NTN4: variants seen among roughly 807,000 people sequenced by gnomAD.
The protein encoded by NTN4 is netrin 4, also known as netrin-4.
In NTN4, 32 loss-of-function variants were observed where a neutral mutation model predicts 73.6. That is an observed-to-expected ratio of 0.44 (90% CI 0.33 to 0.58). The LOEUF (loss-of-function observed/expected upper bound fraction) is 0.58, where lower values mean the gene tolerates loss of function less well. Among genes scored for constraint, NTN4 ranks in the 20% least tolerant of loss-of-function variants. The probability of loss-of-function intolerance (pLI) is 0.04; values close to 1 mark genes in which losing one functional copy is unlikely to be tolerated. For synonymous variants in NTN4, 258 were observed against 287.5 expected, an observed-to-expected ratio of 0.90 and a Z score of 1.04; for missense variants, 654 against 798.3, an observed-to-expected ratio of 0.82 and a Z score of 2.18.
At chr12:95,708,638 G>A (rs940890568) in intron 5 of NTN4, among the ~76,000 whole-genome samples, 1 of 151,918 alleles carries the variant, frequency 6.6e-6, no homozygotes, top group Non-Finnish European at 1.5e-5. Context: ...CAAACTCCTC[G>A]GCTCAAGTGA....
At chr12:95,666,619 A>AT (rs2078182704) in intron 8 of NTN4, among the ~76,000 whole-genome samples, 1 of 152,220 alleles carries the variant, frequency 6.6e-6, no homozygotes, top group South Asian at 2.1e-4. Context: ...CAGCTACCAC[A>AT]TCTAAACAGA....
intron 2 of NTN4, among the ~76,000 whole-genome samples, chr12:95,761,465 G>C (rs932792814): frequency 3.3e-5 from 5 of 151,698 alleles, no homozygotes; most frequent in Non-Finnish European, 7.4e-5. Context: ...AGAGTAGCTG[G>C]GGTTACAGGC....
At chr12:95,665,039 A>C (rs1018133363) in intron 9 of NTN4, among the ~76,000 whole-genome samples, 3 of 152,120 alleles carry the variant, frequency 2.0e-5, no homozygotes, top group African/African-American at 7.2e-5. Flanking sequence ...GTATTATGTT[A>C]CCATTATCTG....
intron 2 of NTN4, among the ~76,000 whole-genome samples, chr12:95,750,132 C>CTCTGCGCCCCAATCCCTTATT (rs1208297758): frequency 1.9e-4 from 29 of 151,812 alleles, no homozygotes; most frequent in South Asian, 4.2e-4. Context: ...TACCTCTTAT[C>CTCTGCGCCCCAATCCCTTATT]TCTGCGCCCC....
chr12:95,687,913 T>C (rs530247208), intron 5 of NTN4, among the ~76,000 whole-genome samples: 14 of 151,982 alleles, frequency 9.2e-5, no homozygotes, highest in South Asian at 4.2e-4. Flanking sequence ...AAAGAGCCCA[T>C]GTGGGGAATG....
intron 3 of NTN4, among the ~76,000 whole-genome samples, chr12:95,722,480 C>T (rs1592685468): frequency 6.6e-6 from 1 of 151,866 alleles, no homozygotes; most frequent in Non-Finnish European, 1.5e-5. Flanking sequence ...ACAAAAATTA[C>T]CCGGGTGTGC....
chr12:95,750,334 C>T (rs1186763232), intron 2 of NTN4, among the ~76,000 whole-genome samples: 1 of 152,088 alleles, frequency 6.6e-6, no homozygotes, highest in Non-Finnish European at 1.5e-5. Flanking sequence ...AGGCTTGCTT[C>T]CTTCACTATG....
chr12:95,769,022 CA>C (rs2079038360), intron 2 of NTN4, among the ~76,000 whole-genome samples: 1 of 152,004 alleles, frequency 6.6e-6, no homozygotes, highest in Non-Finnish European at 1.5e-5. Flanking sequence ...TGAGAGTCAG[CA>C]GGGGGTTTGC....
At chr12:95,770,992 G>GTTTTGTTTTTCTTTTTT (rs1555221586) in intron 2 of NTN4, among the ~76,000 whole-genome samples, 10 of 70,796 alleles carry the variant, frequency 1.4e-4, no homozygotes, top group South Asian at 8.2e-4. Context: ...AAAAGAATTT[G>GTTTTGTTTTTCTTTTTT]TTTTTTTTTT....
At chr12:95,790,891 C>T (rs1414418581), upstream of NTN4, 2 of 147,536 alleles carry the variant, frequency 1.4e-5, no homozygotes, top group Non-Finnish European at 3.0e-5. This position sits in a 1 kb window ranked among gnomAD's most constrained non-coding sequence, Gnocchi z 6.5. Context: ...CCGGGCGGCG[C>T]AGCCCGCGGG....
chr12:95,682,904 C>T, intron 6 of NTN4, 82 bp from the exon 7 acceptor site: 1 of 730,858 alleles, frequency 1.4e-6, no homozygotes, highest in Non-Finnish European at 2.3e-6. Flanking sequence ...AGATTTAAAC[C>T]TTATCTTCTG....
intron 2 of NTN4, among the ~76,000 whole-genome samples, chr12:95,786,134 C>G (rs2079165630): frequency 6.6e-6 from 1 of 152,186 alleles, no homozygotes; most frequent in African/African-American, 2.4e-5. Context: ...AATGATTATA[C>G]TCTCCTCTCT....
At chr12:95,757,798 A>G (rs2078957879) in intron 2 of NTN4, among the ~76,000 whole-genome samples, 1 of 151,934 alleles carries the variant, frequency 6.6e-6, no homozygotes, top group African/African-American at 2.4e-5. Context: ...GTAATTAAAA[A>G]TGGCAAATGC....
At chr12:95,672,171 A>C (rs1287424812) in intron 7 of NTN4, 1 of 484,040 alleles carries the variant, frequency 2.1e-6, no homozygotes, top group Non-Finnish European at 3.7e-6. Flanking sequence ...AAAGATTAAA[A>C]ATTGTCGAGC....
At position 95,790,717 on chromosome 12, in the gene NTN4, G is replaced by C. The variant is rs1171522703; in HGVS notation, c.-408C>G. The stretch of plus-strand genomic sequence containing the variant: ...CGCCTCCTCCTGGGCGTCCTCCTCC[G>C]CTTTTCCCACCTCTTCTGGCTGCCC... On this transcript the variant is annotated 5_prime_UTR_variant, in exon 1 of 10. Coordinates refer to ENST00000343702, the MANE Select transcript of NTN4 (RefSeq NM_021229.4). The surrounding 1 kb of genome is among the most constrained non-coding windows in gnomAD (Gnocchi z 6.5). The C allele has an allele frequency of 1.3e-5, 2 of 158,426 alleles. No individual in the cohort carries two copies. Among genetic ancestry groups the C allele is most frequent in the Non-Finnish European group, 2.8e-5 (2 of 72,684 alleles). The allele number at this position is 158,426 out of a possible 1,614,324, so 9.8% of individuals were successfully genotyped here. A position where few individuals can be genotyped will look rare whatever the true frequency, so the allele number is the denominator to read the frequency against.
intron 7 of NTN4, among the ~76,000 whole-genome samples, chr12:95,680,497 T>C (rs1241845536): frequency 6.6e-6 from 1 of 152,278 alleles, no homozygotes; most frequent in Non-Finnish European, 1.5e-5. Context: ...GCCCCTGGCC[T>C]GGTGAAACAC....
rs1420249786 is a variant in NTN4, at chr12:95,738,119, G to A, written c.611C>T (p.Pro204Leu). ...ACTGTAAGGGTTCTCTGTATCGTAT[G>A]GTGGTGACAAAGCTTTGAAAATAAC... is the stretch of plus-strand genomic sequence containing the variant. ...GEVIFKALSPPYDTENPYSAK... is the reference protein window; with the variant it reads ...GEVIFKALSPLYDTENPYSAK... The change falls in exon 3 of 10, where the codon CCA becomes CTA. Residue 204 changes from proline (P) to leucine (L), a missense_variant. By Grantham distance (98) the Pro-to-Leu change is moderately conservative (BLOSUM62 -3). Transcript: ENST00000343702. 2 of 1,613,488 alleles carry A rather than the reference G, an allele frequency of 1.2e-6. No individual in the cohort carries two copies. The highest frequency in any genetic ancestry group is 1.3e-5 in the African/African-American group (1 of 74,858).
intron 8 of NTN4, 151 bp from the exon 9 acceptor site, chr12:95,666,131 G>A: frequency 3.2e-6 from 2 of 615,820 alleles, no homozygotes; most frequent in South Asian, 2.2e-5. Flanking sequence ...CATTAACTTG[G>A]ATGGAGTTAG....
chr12:95,726,205 C>A (rs962583476), intron 3 of NTN4, among the ~76,000 whole-genome samples: 5 of 151,964 alleles, frequency 3.3e-5, no homozygotes, highest in Admixed American at 3.3e-4. Flanking sequence ...CAGTCATTAC[C>A]ACCATCTAAT....
Sources: gnomAD v4.1 joint callset for allele counts (sites outside exome capture counted in the v4.1 genomes callset) on GRCh38, gnomAD v4.1.1 for gene constraint, Gnocchi (gnomAD v3.1) non-coding constraint, MANE v1.5 for transcripts, NCBI Gene and HGNC (gene_info 2026-07-23, HGNC 2026-07-21) for gene names.